Variants in ZBTB47 observed in about 807,000 individuals in gnomAD.
ZBTB47 encodes the protein zinc finger and BTB domain containing 47, also known as zinc finger and BTB domain-containing protein 47.
In ZBTB47, 24 loss-of-function variants were observed where a neutral mutation model predicts 56.6. That is an observed-to-expected ratio of 0.42 (90% CI 0.31 to 0.60). The LOEUF is 0.60. Ranked by LOEUF, ZBTB47 falls within the 20% of genes least tolerant of loss-of-function variation. ZBTB47 has a pLI of 0.14. For missense variants in ZBTB47, 829 were observed against 1,032.6 expected (o/e 0.80, Z 2.70); for synonymous variants, 414 against 418.9 (o/e 0.99, Z 0.14).
chr3:42,664,523 G>A lies in ZBTB47; in HGVS notation c.2169G>A (p.Pro723=). The stretch of plus-strand genomic sequence containing the variant: ...GGCTGCCCCAGACCCTGCCGCCCCC[G>A]CCCCACCTGCCGCCCCCGCCTCCGC... ...LPGLPQTLPP[P]PHLPPPPPLF... The change falls in exon 6 of 6, where the codon CCG becomes CCA. Residue 723 remains proline (P), a synonymous_variant. Coordinates refer to ENST00000232974, the MANE Select transcript of ZBTB47 (RefSeq NM_145166.4). The A allele has an allele frequency of 7.3e-6, 2 of 272,338 alleles. No individual in the cohort carries two copies. Among genetic ancestry groups the A allele is most frequent in the Middle Eastern group, 1.1e-3 (1 of 938 alleles). The allele number at this position is 272,338 out of a possible 1,614,324, so 16.9% of individuals were successfully genotyped here.
rs1407099818 is a variant in ZBTB47, at chr3:42,654,400, G to C, written c.-82+517G>C. 6.6e-6 allele frequency: 1 copy of C among 151,390 alleles called. No homozygotes were observed. The highest frequency in any genetic ancestry group is 1.5e-5 in the Non-Finnish European group (1 of 67,652). The allele number at this position is 151,390 out of a possible 1,614,324, so 9.4% of individuals were successfully genotyped here. ...TGTCCGCGCCCCCCGCCGGCACGCA[G>C]GCGGCCTGGCCCTTTAAGCGTCCAG... On this transcript the variant is annotated intron_variant, in intron 1 of 5. Coordinates refer to ENST00000232974, the MANE Select transcript of ZBTB47 (RefSeq NM_145166.4). This position sits in a 1 kb window ranked among gnomAD's most constrained non-coding sequence, Gnocchi z 5.0.
Position 42,663,749 on chromosome 3 carries a change from T to C in ZBTB47, c.1738-48T>C. On this transcript the variant is annotated intron_variant, in intron 4 of 5. Coordinates refer to ENST00000232974, the MANE Select transcript of ZBTB47 (RefSeq NM_145166.4). The surrounding 1 kb of genome is among the most constrained non-coding windows in gnomAD (Gnocchi z 5.1). ...GGGGAGCTGTTCCCTCCACAAAGGCTGCTCTTCTGCTCTGTGCCTGGGCCT... is the reference window on the plus strand; with the variant it reads ...GGGGAGCTGTTCCCTCCACAAAGGCCGCTCTTCTGCTCTGTGCCTGGGCCT... 6.2e-7 allele frequency: 1 copy of C among 1,600,700 alleles called. No individual in the cohort carries two copies. Among genetic ancestry groups the C allele is most frequent in the South Asian group, 1.1e-5 (1 of 90,392 alleles).
Position 42,654,878 on chromosome 3 carries a change from G to C in ZBTB47, c.-82+995G>C, listed in dbSNP as rs1488912209. On this transcript the variant is annotated intron_variant, in intron 1 of 5. Transcript: ENST00000232974. This position sits in a 1 kb window ranked among gnomAD's most constrained non-coding sequence, Gnocchi z 5.0. Reference sequence around the variant, plus strand: ...GCGGCGCTGTGGCGCTGCTCTCGGTGGGGAGGGGGTTAAATTCCTGTGGTG... The same window carrying C: ...GCGGCGCTGTGGCGCTGCTCTCGGTCGGGAGGGGGTTAAATTCCTGTGGTG... Among the ~76,000 whole-genome samples, 1 of 152,010 alleles carries C rather than the reference G, an allele frequency of 6.6e-6. No individual in the cohort carries two copies. The highest frequency in any genetic ancestry group is 1.5e-5 in the Non-Finnish European group (1 of 67,936).
At chr3:42,653,144 C>G (rs3856737), upstream of ZBTB47, among the ~76,000 whole-genome samples, 2 of 152,022 alleles carry the variant, frequency 1.3e-5, no homozygotes, top group East Asian at 1.9e-4. Flanking sequence ...TGAGGCCCTA[C>G]GTATTCTGGC....
rs1710690551 is a variant in ZBTB47 at position 42,659,736 on chromosome 3, C to T, written c.1381C>T (p.Arg461Cys). ...LEKHMNVTHS[R>C]MQICDQCGKR... The stretch of plus-strand genomic sequence containing the variant: ...GAAACACATGAATGTGACCCACAGC[C>T]GCATGCAGATCTGCGACCAGTGCGG... The change falls in exon 2 of 6, where the codon CGC (arginine) becomes TGC (cysteine). Residue 461 changes from arginine (R) to cysteine (C), a missense_variant. Arg to Cys is a radical substitution (Grantham distance 180). Transcript: ENST00000232974. 12 of 1,613,878 alleles carry T rather than the reference C, an allele frequency of 7.4e-6. No individual in the cohort carries two copies. The highest frequency in any genetic ancestry group is 1.0e-5 in the Non-Finnish European group (12 of 1,179,828).
Position 42,658,298 on chromosome 3 carries a change from C to T in ZBTB47, c.-58C>T. The T allele has an allele frequency of 6.7e-7, 1 of 1,483,058 alleles. No individual in the cohort carries two copies. Among genetic ancestry groups the T allele is most frequent in the South Asian group, 1.3e-5 (1 of 74,392 alleles). 91.9% of individuals were successfully genotyped at this position (1,483,058 alleles called of 1,614,324 possible). On this transcript the variant is annotated 5_prime_UTR_variant, in exon 2 of 6. Coordinates refer to ENST00000232974, the MANE Select transcript of ZBTB47 (RefSeq NM_145166.4). ...AGTTGCTGGTTGAGAAGACAACTGA[C>T]TCCCCGGCGGCTGAGTTCTCGCTGG... is the stretch of plus-strand genomic sequence containing the variant.
Position 42,664,326 on chromosome 3 carries a change from A to G in ZBTB47, c.1972A>G (p.Lys658Glu). 1 of 1,613,246 alleles carries G rather than the reference A, an allele frequency of 6.2e-7. No homozygotes were observed. Among genetic ancestry groups the G allele is most frequent in the South Asian group, 1.1e-5 (1 of 91,040 alleles). The change falls in exon 6 of 6, where the codon AAG (lysine) becomes GAG (glutamate). Residue 658 changes from lysine to glutamate, a missense_variant. Physicochemically the swap from Lys to Glu is moderately conservative, Grantham distance 56. Coordinates refer to ENST00000232974, the MANE Select transcript of ZBTB47 (RefSeq NM_145166.4). ...GCACCGGCGCACGCACACGGGCGAG[A>G]AGCCGTACCCGTGCGACGTGTGTGG... ...KRHRRTHTGEKPYPCDVCGQR... is the reference protein window; with the variant it reads ...KRHRRTHTGEEPYPCDVCGQR...
At position 42,656,207 on chromosome 3, in the gene ZBTB47, G is replaced by A. The variant is rs1043345588; in HGVS notation, c.-81-2068G>A. The stretch of plus-strand genomic sequence containing the variant: ...CTGCAGGTGCAGTGGCTCTAGGGAG[G>A]AGGGAGCAGGTAGAGGGGATAGTGG... On this transcript the variant is annotated intron_variant, in intron 1 of 5. Coordinates refer to ENST00000232974, the MANE Select transcript of ZBTB47 (RefSeq NM_145166.4). The surrounding 1 kb of genome is among the most constrained non-coding windows in gnomAD (Gnocchi z 5.8). Among the ~76,000 whole-genome samples, 2 of 152,220 alleles carry A rather than the reference G, an allele frequency of 1.3e-5. No homozygotes were observed. The highest frequency in any genetic ancestry group is 2.9e-5 in the Non-Finnish European group (2 of 68,034).
rs368977446 is a variant in ZBTB47, at chr3:42,653,807, G to T, written c.-158G>T. 14 of 152,664 alleles carry T rather than the reference G, an allele frequency of 9.2e-5. 1 individual carries two copies. The East Asian group carries it at 2.7e-3, about 29-fold the overall frequency. The allele number at this position is 152,664 out of a possible 1,614,324, so 9.5% of individuals were successfully genotyped here. ...TGGCCCTGGGCCAGTCACCTTAGAT[G>T]ATTTGATCGCTGCGGTTGTAGTCCT... On this transcript the variant is annotated 5_prime_UTR_variant, in exon 1 of 6. The change abolishes an upstream ATG in the 5' untranslated region. Coordinates refer to ENST00000232974, the MANE Select transcript of ZBTB47 (RefSeq NM_145166.4).
chr3:42,659,211 G>A lies in ZBTB47; in HGVS notation c.856G>A (p.Glu286Lys), dbSNP rs1710679596. Reference sequence around the variant, plus strand: ...CGAGGAGGAGGAGGACGACGAGGAGGAGGAGGAGGAAGAAGAGGAAGAGGA... The same window carrying A: ...CGAGGAGGAGGAGGACGACGAGGAGAAGGAGGAGGAAGAAGAGGAAGAGGA... ...SDEEEEDDEEEEEEEEEEEGG... is the reference protein window; with the variant it reads ...SDEEEEDDEEKEEEEEEEEGG... The change falls in exon 2 of 6, where the codon GAG becomes AAG. Residue 286 changes from glutamate (E) to lysine (K), a missense_variant. Glu to Lys is a moderately conservative substitution (Grantham distance 56, BLOSUM62 1). Transcript: ENST00000232974. 6.5e-7 allele frequency: 1 copy of A among 1,528,598 alleles called. No individual in the cohort carries two copies. Among genetic ancestry groups the A allele is most frequent in the East Asian group, 2.4e-5 (1 of 40,886 alleles). The allele number at this position is 1,528,598 out of a possible 1,614,324, so 94.7% of individuals were successfully genotyped here. A position where few individuals can be genotyped will look rare whatever the true frequency, so the allele number is the denominator to read the frequency against.
At position 42,666,197 on chromosome 3, in the gene ZBTB47, T is replaced by C. The variant is rs1038459385; in HGVS notation, c.*1599T>C. Among the ~76,000 whole-genome samples, 4 of 152,374 alleles carry C rather than the reference T, an allele frequency of 2.6e-5. No homozygotes were observed. The highest frequency in any genetic ancestry group is 9.6e-5 in the African/African-American group (4 of 41,596). On this transcript the variant is annotated 3_prime_UTR_variant, in exon 6 of 6. Coordinates refer to ENST00000232974, the MANE Select transcript of ZBTB47 (RefSeq NM_145166.4). ...GGTGCCCGAGTGATCTGAGGATTTA[T>C]AATCCAAGCCACACCACCCTGGTTG... is the stretch of plus-strand genomic sequence containing the variant.
chr3:42,666,092 G>A lies in ZBTB47; in HGVS notation c.*1494G>A, dbSNP rs1268657652. 1.3e-5 allele frequency among the ~76,000 whole-genome samples: 2 copies of A among 152,226 alleles called. No individual in the cohort carries two copies. The highest frequency in any genetic ancestry group is 1.9e-4 in the East Asian group (1 of 5,196). On this transcript the variant is annotated 3_prime_UTR_variant, in exon 6 of 6. Coordinates refer to ENST00000232974, the MANE Select transcript of ZBTB47 (RefSeq NM_145166.4). ...CCCCTCTGACCTTATGAGGCCCATGGCACTGGGGCAGGGAGCTGGGGACAT... is the reference window on the plus strand; with the variant it reads ...CCCCTCTGACCTTATGAGGCCCATGACACTGGGGCAGGGAGCTGGGGACAT...
rs199627048 is a variant in ZBTB47, at chr3:42,661,537, A to G, written c.1526A>G (p.Asn509Ser). 2.1e-3 allele frequency: 3,373 copies of G among 1,614,058 alleles called. 12 individuals carry two copies. Among genetic ancestry groups the G allele is most frequent in the Non-Finnish European group, 2.6e-3 (3,062 of 1,179,898 alleles). The change falls in exon 3 of 6, where the codon AAC (asparagine) becomes AGC (serine). Residue 509 changes from asparagine to serine, a missense_variant. Around this residue, in one of 6 missense-constraint regions of ZBTB47, gnomAD observed 187 missense variants for 253.1 expected, o/e 0.74. Coordinates refer to ENST00000232974, the MANE Select transcript of ZBTB47 (RefSeq NM_145166.4). ...AAGCTTTGGTCCCTCCATGAGCATA[A>G]CAAGATTGTGCACGGCTACGCAGAG... is the stretch of plus-strand genomic sequence containing the variant. ...FKKLWSLHEH[N>S]KIVHGYAEKK...
Position 42,659,822 on chromosome 3 carries a change from C to T in ZBTB47, c.1467C>T (p.Asn489=). The T allele has an allele frequency of 4.4e-6, 7 of 1,602,224 alleles. No homozygotes were observed. Among genetic ancestry groups the T allele is most frequent in the Non-Finnish European group, 6.0e-6 (7 of 1,172,642 alleles). The change falls in exon 2 of 6, where the codon AAC becomes AAT. Residue 489 remains asparagine (N), a synonymous_variant. Coordinates refer to ENST00000232974, the MANE Select transcript of ZBTB47 (RefSeq NM_145166.4). The part of the protein sequence containing the change: ...LLHRQTDCER[N]IQCVTCGKAF... ...ACAGGCAGACAGACTGCGAGCGCAA[C>T]ATCCAGGTGGGCCTCACGTGGCTGG...
chr3:42,664,032 C>G, intron 5 of ZBTB47, 91 bp downstream of exon 5: 1 of 1,497,910 alleles, frequency 6.7e-7, no homozygotes, highest in Non-Finnish European at 9.0e-7. Context: ...TTGGCCACAC[C>G]CCTTCTCAAG....
At chr3:42,657,642 C>A (rs930369208) in intron 1 of ZBTB47, among the ~76,000 whole-genome samples, 7 of 152,218 alleles carry the variant, frequency 4.6e-5, no homozygotes, top group Non-Finnish European at 8.8e-5. Flanking sequence ...GCAGCAGCCA[C>A]ATGGCTGTTG....
chr3:42,664,042 G>A, intron 5 of ZBTB47, 101 bp downstream of exon 5: 2 of 1,486,834 alleles, frequency 1.3e-6, no homozygotes, highest in Non-Finnish European at 1.8e-6. Flanking sequence ...CCCTTCTCAA[G>A]TCTGGGCCTC....
intron 2 of ZBTB47, among the ~76,000 whole-genome samples, chr3:42,660,855 A>C (rs1289018270): frequency 6.6e-6 from 1 of 152,146 alleles, no homozygotes; most frequent in Non-Finnish European, 1.5e-5. Flanking sequence ...ATTTCTGCCC[A>C]AGCCTTGGCC....
intron 1 of ZBTB47, among the ~76,000 whole-genome samples, chr3:42,657,240 G>C (rs1342606068): frequency 2.0e-5 from 3 of 152,182 alleles, no homozygotes; most frequent in African/African-American, 7.2e-5. Flanking sequence ...CTGATAGTCT[G>C]ACCCATCAGA....
Sources: allele counts gnomAD v4.1 joint callset (sites outside exome capture counted in the v4.1 genomes callset), GRCh38; gene constraint gnomAD v4.1.1; regional missense constraint gnomAD v4.1.1; non-coding constraint Gnocchi (gnomAD v3.1); transcripts MANE v1.5; gene names NCBI Gene and HGNC (gene_info 2026-07-23, HGNC 2026-07-21).